VAT1L: variants seen among roughly 807,000 people sequenced by gnomAD.
The protein encoded by VAT1L is putative NADPH-dependent quinone oxidoreductase VAT1L.
In VAT1L, 34 loss-of-function variants were observed where a neutral mutation model predicts 44.1. The observed-to-expected ratio is 0.77, with a 90% CI of 0.59 to 1.03. The LOEUF (loss-of-function observed/expected upper bound fraction) is 1.03. VAT1L is among the 50% of genes least tolerant of loss of function. VAT1L has a pLI of 0.00. For missense variants in VAT1L, 615 were observed against 538.8 expected (o/e 1.14, Z -1.40); for synonymous variants, 253 against 202.2 (o/e 1.25, Z -2.13).
At chr16:77,955,008 G>A (rs1449095789) in intron 7 of VAT1L, among the ~76,000 whole-genome samples, 1 of 152,176 alleles carries the variant, frequency 6.6e-6, no homozygotes, top group Non-Finnish European at 1.5e-5. Context: ...AACCACTTGA[G>A]TGTTTTGAAA....
At chr16:77,948,906 T>C (rs980060292) in intron 7 of VAT1L, among the ~76,000 whole-genome samples, 1 of 152,172 alleles carries the variant, frequency 6.6e-6, no homozygotes, top group African/African-American at 2.4e-5. Flanking sequence ...TGGAAAGCAT[T>C]TGACACTTAG....
chr16:77,907,145 C>T (rs538839396), intron 7 of VAT1L, among the ~76,000 whole-genome samples: 1 of 152,210 alleles, frequency 6.6e-6, no homozygotes, highest in Non-Finnish European at 1.5e-5. Context: ...GCTGTAAATA[C>T]TCCCATCGTG....
chr16:77,940,162 C>G (rs1301367893), intron 7 of VAT1L, among the ~76,000 whole-genome samples: 2 of 152,010 alleles, frequency 1.3e-5, no homozygotes, highest in Admixed American at 6.6e-5. Context: ...TTTTAACAAG[C>G]AAATCTTAGG....
intron 7 of VAT1L, among the ~76,000 whole-genome samples, chr16:77,937,117 A>G (rs1365976760): frequency 2.0e-5 from 3 of 152,186 alleles, no homozygotes; most frequent in African/African-American, 7.2e-5. Flanking sequence ...TCTTAGCCTC[A>G]TGATCTGCCC....
intron 7 of VAT1L, among the ~76,000 whole-genome samples, chr16:77,934,209 G>C (rs1316259488): frequency 6.6e-6 from 1 of 152,010 alleles, no homozygotes; most frequent in African/African-American, 2.4e-5. Context: ...TGGCAGATTG[G>C]ACGTAAAGAT....
chr16:77,877,492 G>A (rs1256405496), intron 5 of VAT1L, among the ~76,000 whole-genome samples: 2 of 122,736 alleles, frequency 1.6e-5, no homozygotes, highest in Non-Finnish European at 3.2e-5. Context: ...TAGCCTGGGC[G>A]ACAGAGCGGG....
rs971737200 is a variant in VAT1L, at chr16:77,788,687, C to T, written c.5C>T (p.Ala2Val). 4 of 1,549,662 alleles carry T rather than the reference C, an allele frequency of 2.6e-6. No homozygotes were observed. The highest frequency in any genetic ancestry group is 1.4e-5 in the African/African-American group (1 of 73,054). M[A>V]KEGVEKAEET... ...CGCCCCGCGCCCTCGAGCGCCATGG[C>T]CAAGGAAGGCGTGGAGAAGGCGGAG... is the stretch of plus-strand genomic sequence containing the variant. The change falls in exon 1 of 9, where the codon GCC (alanine) becomes GTC (valine). Residue 2 changes from alanine (A) to valine (V), a missense_variant. Physicochemically the swap from Ala to Val is moderately conservative, Grantham distance 64. Coordinates refer to ENST00000302536, the MANE Select transcript of VAT1L (RefSeq NM_020927.3).
chr16:77,897,647 T>C (rs777173456), intron 7 of VAT1L, among the ~76,000 whole-genome samples: 28 of 152,136 alleles, frequency 1.8e-4, no homozygotes, highest in Non-Finnish European at 3.7e-4. Context: ...CTAATTTTTG[T>C]ATTTTTTAGC....
chr16:77,961,199 C>T (rs528354172), intron 7 of VAT1L, among the ~76,000 whole-genome samples: 9 of 152,132 alleles, frequency 5.9e-5, no homozygotes, highest in South Asian at 2.1e-4. Context: ...GTTGGCTGCA[C>T]GTCTATTCAC....
intron 7 of VAT1L, among the ~76,000 whole-genome samples, chr16:77,944,082 G>T (rs777552902): frequency 6.6e-6 from 1 of 152,030 alleles, no homozygotes; most frequent in Non-Finnish European, 1.5e-5. Flanking sequence ...GGCAATGTCC[G>T]GAGACATTTT....
intron 4 of VAT1L, among the ~76,000 whole-genome samples, chr16:77,867,718 G>T (rs1309946641): frequency 6.6e-6 from 1 of 152,066 alleles, no homozygotes; most frequent in Non-Finnish European, 1.5e-5. Context: ...ACTTAGCCAG[G>T]TGAGGTGGTG....
At chr16:77,947,113 TC>T (rs1386883307) in intron 7 of VAT1L, among the ~76,000 whole-genome samples, 2 of 152,248 alleles carry the variant, frequency 1.3e-5, no homozygotes, top group Admixed American at 1.3e-4. Flanking sequence ...TGAGCCCTTT[TC>T]TGTTTCCCTT....
chr16:77,879,110 T>A lies in VAT1L; in HGVS notation c.827-59T>A. On this transcript the variant is annotated intron_variant, in intron 5 of 8. Coordinates refer to ENST00000302536, the MANE Select transcript of VAT1L (RefSeq NM_020927.3). This position sits in a 1 kb window ranked among gnomAD's most constrained non-coding sequence, Gnocchi z 4.1. Reference sequence around the variant, plus strand: ...AAACAATTGCCATTTTTTTCATGCATAACAAGAGATGTCCATTTTCATTAG... The same window carrying A: ...AAACAATTGCCATTTTTTTCATGCAAAACAAGAGATGTCCATTTTCATTAG... 1 of 1,572,206 alleles carries A rather than the reference T, an allele frequency of 6.4e-7. No individual in the cohort carries two copies. Among genetic ancestry groups the A allele is most frequent in the Non-Finnish European group, 8.8e-7 (1 of 1,142,686 alleles).
At chr16:77,927,652 C>T (rs539612385) in intron 7 of VAT1L, among the ~76,000 whole-genome samples, 43 of 151,876 alleles carry the variant, frequency 2.8e-4, no homozygotes, top group Admixed American at 2.4e-3. Flanking sequence ...CTGAGGTGGG[C>T]GGATCATGAG....
At chr16:77,805,422 C>T (rs1344432135) in intron 1 of VAT1L, among the ~76,000 whole-genome samples, 1 of 152,176 alleles carries the variant, frequency 6.6e-6, no homozygotes, top group Admixed American at 6.5e-5. Context: ...AAAACAAAAG[C>T]TTCAGTTCTG....
At chr16:77,915,582 C>T (rs2142489137) in intron 7 of VAT1L, among the ~76,000 whole-genome samples, 1 of 152,258 alleles carries the variant, frequency 6.6e-6, no homozygotes, top group African/African-American at 2.4e-5. Flanking sequence ...AGGAGTGGGA[C>T]TTGAGCAAAA....
At chr16:77,952,457 CCCA>C (rs778317755) in intron 7 of VAT1L, among the ~76,000 whole-genome samples, 1 of 152,194 alleles carries the variant, frequency 6.6e-6, no homozygotes. Context: ...CCTGTGACCC[CCCA>C]CCACCACCCC....
intron 3 of VAT1L, among the ~76,000 whole-genome samples, chr16:77,846,695 G>T (rs1033714339): frequency 6.6e-6 from 1 of 152,118 alleles, no homozygotes; most frequent in African/African-American, 2.4e-5. Context: ...ATAATTTCTT[G>T]TCAGATAGTT....
chr16:77,928,960 C>G (rs941761555), intron 7 of VAT1L, among the ~76,000 whole-genome samples: 1 of 152,062 alleles, frequency 6.6e-6, no homozygotes, highest in Non-Finnish European at 1.5e-5. Flanking sequence ...ACTACAGGTG[C>G]GCACCACCAT....
Sources: gnomAD v4.1 joint callset for allele counts (sites outside exome capture counted in the v4.1 genomes callset) on GRCh38, gnomAD v4.1.1 for gene constraint, Gnocchi (gnomAD v3.1) non-coding constraint, MANE v1.5 for transcripts, NCBI Gene and HGNC (gene_info 2026-07-23, HGNC 2026-07-21) for gene names.